LRIG1: variants seen among roughly 807,000 people sequenced by gnomAD.
LRIG1 encodes the protein leucine-rich repeats and immunoglobulin-like domains protein 1.
In LRIG1, 48 loss-of-function variants were observed where a neutral mutation model predicts 99.2. The observed-to-expected ratio is 0.48, with a 90% CI of 0.38 to 0.62. LRIG1 has a LOEUF of 0.62. Ranked by LOEUF, LRIG1 falls within the 20% of genes least tolerant of loss-of-function variation. The pLI is 0.00. For missense variants in LRIG1, 1,646 were observed against 1,434.4 expected (o/e 1.15, Z -2.38); for synonymous variants, 772 against 596.1 (o/e 1.29, Z -4.30).
chr3:66,432,859 C>T (rs923874482), intron 3 of LRIG1, among the ~76,000 whole-genome samples: 1 of 152,174 alleles, frequency 6.6e-6, no homozygotes, highest in Non-Finnish European at 1.5e-5. Flanking sequence ...AGAGGCAGGA[C>T]CTGACTCTGC....
chr3:66,405,869 C>G (rs1034815555), intron 8 of LRIG1: 35 of 1,089,726 alleles, frequency 3.2e-5, no homozygotes, highest in Non-Finnish European at 3.7e-5. Context: ...TCGCCAGGAT[C>G]AGAGGGATGA....
chr3:66,453,605 T>C (rs1315035418), intron 2 of LRIG1, among the ~76,000 whole-genome samples: 1 of 152,198 alleles, frequency 6.6e-6, no homozygotes, highest in East Asian at 1.9e-4. Flanking sequence ...GGTTAACTAC[T>C]ACCATTCTCT....
At chr3:66,382,751 ATGGTGCGTC>A (rs1701155896) in intron 15 of LRIG1, among the ~76,000 whole-genome samples, 1 of 152,190 alleles carries the variant, frequency 6.6e-6, no homozygotes, top group South Asian at 2.1e-4. Flanking sequence ...GGAAAACTGC[ATGGTGCGTC>A]AGTTACTTGT....
chr3:66,482,049 C>A (rs1240083514), intron 1 of LRIG1, among the ~76,000 whole-genome samples: 1 of 152,236 alleles, frequency 6.6e-6, no homozygotes, highest in Non-Finnish European at 1.5e-5. Context: ...GCGCTGATTC[C>A]TACCAGCTGT....
intron 1 of LRIG1, among the ~76,000 whole-genome samples, chr3:66,497,704 CAA>C (rs71616223): frequency 4.5e-5 from 4 of 89,266 alleles, no homozygotes; most frequent in East Asian, 4.0e-4. Context: ...GCACTGTTTA[CAA>C]AAAAAAAAAA....
chr3:66,419,294 C>T (rs560473432), intron 3 of LRIG1, among the ~76,000 whole-genome samples: 5 of 152,152 alleles, frequency 3.3e-5, no homozygotes, highest in Admixed American at 6.5e-5. Context: ...GTCTGTGGTC[C>T]GGTACCTTTT....
In LRIG1 at chr3:66,420,624, C is replaced by T. The variant is rs142580929; in HGVS notation, c.366-3358G>A. Among the ~76,000 whole-genome samples the T allele has an allele frequency of 2.9e-3, 441 of 152,322 alleles. 8 individuals are homozygous for T. In the East Asian group the frequency reaches 0.04, roughly 14 times the overall value. ...CTCAGCCTTAAAAAGAAAAGAAATTCTAACACGTGCTACTGAATGGATGAG... is the reference window on the plus strand; with the variant it reads ...CTCAGCCTTAAAAAGAAAAGAAATTTTAACACGTGCTACTGAATGGATGAG... On this transcript the variant is annotated intron_variant, in intron 3 of 18. Transcript: ENST00000273261.
chr3:66,478,383 T>C (rs954463908), intron 1 of LRIG1, among the ~76,000 whole-genome samples: 1 of 152,068 alleles, frequency 6.6e-6, no homozygotes, highest in Admixed American at 6.5e-5. Flanking sequence ...TTCAGGGACA[T>C]GAGAAAGCAG....
intron 2 of LRIG1, among the ~76,000 whole-genome samples, chr3:66,457,794 A>G (rs888845692): frequency 6.6e-6 from 1 of 152,208 alleles, no homozygotes; most frequent in African/African-American, 2.4e-5. Context: ...AATCCCTAAG[A>G]TATGACCTCT....
At chr3:66,420,241 GAGA>G (rs1383098057) in intron 3 of LRIG1, among the ~76,000 whole-genome samples, 1 of 152,144 alleles carries the variant, frequency 6.6e-6, no homozygotes, top group African/African-American at 2.4e-5. Context: ...CAACCACAAT[GAGA>G]AGTCACCTCA....
chr3:66,470,585 G>A (rs1251584995), intron 1 of LRIG1, among the ~76,000 whole-genome samples: 2 of 152,268 alleles, frequency 1.3e-5, no homozygotes, highest in East Asian at 1.9e-4. Flanking sequence ...CCCACCAGGC[G>A]GTTAAGTCAA....
intron 3 of LRIG1, among the ~76,000 whole-genome samples, chr3:66,436,522 C>T (rs2106761462): frequency 6.6e-6 from 1 of 152,306 alleles, no homozygotes; most frequent in East Asian, 1.9e-4. Context: ...AACAAGTATT[C>T]CAGGTGGCTC....
intron 12 of LRIG1, among the ~76,000 whole-genome samples, chr3:66,390,543 A>G (rs1575652078): frequency 6.6e-6 from 1 of 152,214 alleles, no homozygotes; most frequent in South Asian, 2.1e-4. Context: ...AATACTTCTC[A>G]CATTAGTCTA....
chr3:66,392,799 G>A (rs964963512), intron 12 of LRIG1, among the ~76,000 whole-genome samples: 6 of 152,016 alleles, frequency 3.9e-5, no homozygotes, highest in African/African-American at 1.5e-4. Flanking sequence ...ATTTGAGGGA[G>A]GTCTATAAAC....
At chr3:66,455,259 T>A (rs1700185531) in intron 2 of LRIG1, among the ~76,000 whole-genome samples, 1 of 152,214 alleles carries the variant, frequency 6.6e-6, no homozygotes, top group Non-Finnish European at 1.5e-5. Flanking sequence ...CTTGCTGTTA[T>A]TTATTTACTC....
chr3:66,449,480 G>A (rs948986588), intron 3 of LRIG1, among the ~76,000 whole-genome samples: 20 of 152,170 alleles, frequency 1.3e-4, no homozygotes, highest in African/African-American at 4.8e-4. Flanking sequence ...GCTGTCTAAT[G>A]GAATAGCAGG....
chr3:66,475,099 T>A (rs142148030), intron 1 of LRIG1, among the ~76,000 whole-genome samples: 4 of 152,308 alleles, frequency 2.6e-5, no homozygotes, highest in African/African-American at 7.2e-5. Context: ...ATCAGCTACA[T>A]TGAGGCAGCT....
At chr3:66,385,164 C>T (rs116322037) in intron 13 of LRIG1, among the ~76,000 whole-genome samples, 1 of 152,248 alleles carries the variant, frequency 6.6e-6, no homozygotes, top group East Asian at 1.9e-4. Context: ...CTCCTCCAAA[C>T]ACACAATAAC....
intron 1 of LRIG1, among the ~76,000 whole-genome samples, chr3:66,478,454 G>A (rs1337530003): frequency 6.6e-6 from 1 of 152,190 alleles, no homozygotes; most frequent in Admixed American, 6.5e-5. Flanking sequence ...TTGGAAATAA[G>A]CACACAGGTG....
Sources: gnomAD v4.1 joint callset for allele counts (sites outside exome capture counted in the v4.1 genomes callset) on GRCh38, gnomAD v4.1.1 for gene constraint, MANE v1.5 for transcripts, NCBI Gene and HGNC (gene_info 2026-07-23, HGNC 2026-07-21) for gene names.